The following LRTM3 variants were observed in gnomAD, a reference collection of about 807,000 sequenced individuals.
The protein encoded by LRTM3 is leucine-rich repeat transmembrane protein 3.
the LRTM3 span, chr13:102,731,491 T>G: frequency 6.4e-7 from 1 of 1,551,420 alleles, no homozygotes; most frequent in Middle Eastern, 1.7e-4. Flanking sequence ...CTAAAAGGGA[T>G]TTGTGCTGCG....
the LRTM3 span, among the ~76,000 whole-genome samples, chr13:102,757,404 C>T: frequency 6.8e-3 from 1,036 of 152,290 alleles, 17 homozygotes; most frequent in African/African-American, 0.024. Flanking sequence ...AACTGCCACT[C>T]TTATGTGTAA....
chr13:102,735,304 C>G, the LRTM3 span: 1 of 1,551,212 alleles, frequency 6.4e-7, no homozygotes, highest in South Asian at 1.2e-5. Flanking sequence ...CTTTTAATTG[C>G]TTTACATCAC....
the LRTM3 span, chr13:102,731,721 T>C: frequency 6.4e-7 from 1 of 1,551,420 alleles, no homozygotes; most frequent in Non-Finnish European, 8.7e-7. Context: ...TTGACTTCGC[T>C]ACTTTTAACT....
At chr13:102,735,087 T>C in the LRTM3 span, 2 of 1,551,228 alleles carry the variant, frequency 1.3e-6, no homozygotes, top group Middle Eastern at 1.7e-4. Flanking sequence ...CTAGAAGGAC[T>C]CTTAGACAAC....
At chr13:102,745,672 C>A in the LRTM3 span, 1 of 1,550,828 alleles carries the variant, frequency 6.4e-7, no homozygotes, top group Middle Eastern at 1.7e-4. Flanking sequence ...AACCAAAAAT[C>A]GCTGTCTCTT....
the LRTM3 span, chr13:102,736,378 A>G: frequency 1.3e-6 from 2 of 1,550,876 alleles, no homozygotes; most frequent in South Asian, 1.2e-5. Flanking sequence ...AAACGGCACC[A>G]TTGGGGTGCA....
chr13:102,742,339 A>G, the LRTM3 span: 2 of 1,548,588 alleles, frequency 1.3e-6, no homozygotes, highest in Non-Finnish European at 1.7e-6. Flanking sequence ...CCTTATCTTT[A>G]TGTCTTATGA....
chr13:102,739,670 C>A, the LRTM3 span: 1 of 1,550,234 alleles, frequency 6.5e-7, no homozygotes, highest in Non-Finnish European at 8.7e-7. Context: ...GATGTTAGGG[C>A]TTTTTATTCT....
At chr13:102,745,962 T>C in the LRTM3 span, 1 of 1,551,096 alleles carries the variant, frequency 6.4e-7, no homozygotes, top group South Asian at 1.2e-5. Context: ...TCATTATCCT[T>C]CTGATATGCA....
the LRTM3 span, chr13:102,730,650 G>A: frequency 1.9e-6 from 3 of 1,552,034 alleles, no homozygotes; most frequent in Non-Finnish European, 2.6e-6. Context: ...TTTTCATGGG[G>A]ACTTTGCTTT....
At chr13:102,734,689 T>C in the LRTM3 span, 1 of 1,551,198 alleles carries the variant, frequency 6.4e-7, no homozygotes, top group Non-Finnish European at 8.7e-7. Flanking sequence ...TGTGTGATAT[T>C]CTCCGCAAAA....
At chr13:102,730,496 A>G in the LRTM3 span, 10 of 1,551,608 alleles carry the variant, frequency 6.4e-6, no homozygotes, top group African/African-American at 1.2e-4. Flanking sequence ...TTGAAACCAT[A>G]CATGATATTG....
the LRTM3 span, chr13:102,738,180 C>A: frequency 6.4e-7 from 1 of 1,550,846 alleles, no homozygotes; most frequent in South Asian, 1.2e-5. Flanking sequence ...AGACCTTTGT[C>A]TTCTGGATGC....
chr13:102,736,418 C>A, the LRTM3 span: 2 of 1,551,136 alleles, frequency 1.3e-6, no homozygotes, highest in Non-Finnish European at 1.7e-6. Flanking sequence ...TGTTTGTACT[C>A]TGTCTTCTTT....
chr13:102,736,421 T>C, the LRTM3 span: 1 of 1,551,152 alleles, frequency 6.4e-7, no homozygotes, highest in Non-Finnish European at 8.7e-7. Context: ...TTGTACTCTG[T>C]CTTCTTTCTG....
the LRTM3 span, chr13:102,731,414 T>C: frequency 6.4e-7 from 1 of 1,551,508 alleles, no homozygotes; most frequent in Non-Finnish European, 8.7e-7. Flanking sequence ...CAGATTCAGT[T>C]GTATTTCAAG....
the LRTM3 span, among the ~76,000 whole-genome samples, chr13:102,755,319 G>A: frequency 1.3e-5 from 2 of 149,194 alleles, no homozygotes; most frequent in Admixed American, 6.8e-5. Context: ...GCTTAGCTTC[G>A]GCCAATATAC....
chr13:102,741,104 C>T, the LRTM3 span: 3 of 1,549,730 alleles, frequency 1.9e-6, no homozygotes, highest in Non-Finnish European at 2.6e-6. Flanking sequence ...ATGCAATATG[C>T]AAGGGAGAAC....
the LRTM3 span, chr13:102,730,740 A>C: frequency 6.4e-7 from 1 of 1,551,794 alleles, no homozygotes; most frequent in South Asian, 1.2e-5. Flanking sequence ...ACGTTTTTAC[A>C]CACTGCAATT....
Sources: gnomAD v4.1 joint callset for allele counts (sites outside exome capture counted in the v4.1 genomes callset) on GRCh38, gnomAD v4.1.1 for gene constraint, MANE v1.5 for transcripts, NCBI Gene and HGNC (gene_info 2026-07-23, HGNC 2026-07-21) for gene names.